Variants in PPP1R1C observed in about 807,000 individuals in gnomAD.
PPP1R1C encodes the protein protein phosphatase 1 regulatory inhibitor subunit 1C, also known as protein phosphatase 1 regulatory subunit 1C.
A neutral mutation model predicts 17.4 loss-of-function variants in PPP1R1C; 15 were observed. The observed-to-expected ratio is 0.86, with a 90% CI of 0.58 to 1.33. The LOEUF (loss-of-function observed/expected upper bound fraction) is 1.33, where lower values mean the gene tolerates loss of function less well. PPP1R1C is among the 40% of genes most tolerant of loss of function. The pLI is 0.00. For missense variants in PPP1R1C, 143 were observed against 130.0 expected (o/e 1.10, Z -0.48); for synonymous variants, 35 against 43.1 (o/e 0.81, Z 0.73).
intron 2 of PPP1R1C, among the ~76,000 whole-genome samples, chr2:182,043,748 T>C (rs1368966869): frequency 6.6e-6 from 1 of 151,936 alleles, no homozygotes; most frequent in Admixed American, 6.6e-5. Context: ...TCCTTATTTG[T>C]TGCTATTACT....
In PPP1R1C at chr2:181,962,332, G is replaced by C. The variant is rs1226256657; in HGVS notation, n.111+7698G>C. Reference sequence around the variant, plus strand: ...TGCCACCCCGGAAGCTGGTGGAGCGGGACACGGATATCCGGGAACCAGAGC... The same window carrying C: ...TGCCACCCCGGAAGCTGGTGGAGCGCGACACGGATATCCGGGAACCAGAGC... On this transcript the variant is annotated intron_variant and non_coding_transcript_variant, in intron 1 of 5. Coordinates refer to the PPP1R1C transcript ENST00000464264. This position sits in a 1 kb window ranked among gnomAD's most constrained non-coding sequence, Gnocchi z 6.0. 7 of 939,194 alleles carry C rather than the reference G, an allele frequency of 7.5e-6. No individual in the cohort carries two copies. Among genetic ancestry groups the C allele is most frequent in the South Asian group, 4.2e-5 (3 of 71,146 alleles). 58.2% of individuals were successfully genotyped at this position (939,194 alleles called of 1,614,324 possible). A position where few individuals can be genotyped will look rare whatever the true frequency, so the allele number is the denominator to read the frequency against.
intron 1 of PPP1R1C, among the ~76,000 whole-genome samples, chr2:181,956,150 T>C (rs534588316): frequency 1.3e-5 from 2 of 152,276 alleles, no homozygotes; most frequent in African/African-American, 4.8e-5. Flanking sequence ...CATGTGGTGT[T>C]TGGTTTTCTG....
chr2:182,089,187 G>A (rs961348694), intron 4 of PPP1R1C, among the ~76,000 whole-genome samples: 9 of 152,182 alleles, frequency 5.9e-5, no homozygotes, highest in Admixed American at 2.0e-4. Context: ...TTCTGAAATA[G>A]ATCCCAGCTG....
chr2:182,041,459 A>C (rs928772771), intron 2 of PPP1R1C, among the ~76,000 whole-genome samples: 4 of 152,012 alleles, frequency 2.6e-5, no homozygotes, highest in African/African-American at 9.7e-5. Context: ...AAATACAAAA[A>C]TTAGCCAGTT....
chr2:182,001,089 C>T (rs1183885900), intron 2 of PPP1R1C, among the ~76,000 whole-genome samples: 1 of 152,158 alleles, frequency 6.6e-6, no homozygotes, highest in Non-Finnish European at 1.5e-5. Flanking sequence ...TTATTATGAG[C>T]TCCTACATAA....
intron 2 of PPP1R1C, among the ~76,000 whole-genome samples, chr2:182,043,954 A>G: frequency 6.6e-6 from 1 of 152,176 alleles, no homozygotes; most frequent in East Asian, 1.9e-4. Flanking sequence ...CCACAATATG[A>G]ACAATTCCAT....
chr2:181,959,723 A>T (rs1004832611), intron 1 of PPP1R1C, among the ~76,000 whole-genome samples: 3 of 152,198 alleles, frequency 2.0e-5, no homozygotes, highest in African/African-American at 7.2e-5. Context: ...GAAACCTGAT[A>T]GCAGGTGAGA....
intron 2 of PPP1R1C, among the ~76,000 whole-genome samples, chr2:182,009,269 T>C (rs1574373384): frequency 6.6e-6 from 1 of 152,178 alleles, no homozygotes; most frequent in African/African-American, 2.4e-5. Flanking sequence ...GGTTTCCTTT[T>C]CTGCACATCC....
chr2:181,955,751 C>T (rs1052437558), intron 1 of PPP1R1C, among the ~76,000 whole-genome samples: 2 of 152,128 alleles, frequency 1.3e-5, no homozygotes, highest in Non-Finnish European at 1.5e-5. Flanking sequence ...ATAAATAACA[C>T]TTTTCTTGAT....
chr2:182,124,898 C>A (rs1049618880), intron 5 of PPP1R1C, among the ~76,000 whole-genome samples: 3 of 152,090 alleles, frequency 2.0e-5, no homozygotes, highest in Admixed American at 1.3e-4. Flanking sequence ...TTTCTCTTGC[C>A]TGATTGCCCT....
intron 2 of PPP1R1C, among the ~76,000 whole-genome samples, chr2:182,055,415 C>T (rs1025400041): frequency 6.6e-6 from 1 of 152,122 alleles, no homozygotes; most frequent in Non-Finnish European, 1.5e-5. Context: ...TATTTACTCA[C>T]ATTTTTGCTT....
intron 2 of PPP1R1C, among the ~76,000 whole-genome samples, chr2:181,990,368 C>T (rs1381948529): frequency 6.6e-6 from 1 of 152,004 alleles, no homozygotes; most frequent in Non-Finnish European, 1.5e-5. Flanking sequence ...TGGTCTCGAT[C>T]TCCTGACCTC....
At chr2:181,966,442 G>A (rs908457712) in intron 1 of PPP1R1C, among the ~76,000 whole-genome samples, 2 of 152,096 alleles carry the variant, frequency 1.3e-5, no homozygotes, top group Admixed American at 1.3e-4. Context: ...CTGTGGGTAT[G>A]TCATATATGG....
chr2:182,113,221 T>G (rs1424630624), intron 4 of PPP1R1C, among the ~76,000 whole-genome samples: 1 of 152,218 alleles, frequency 6.6e-6, no homozygotes, highest in Non-Finnish European at 1.5e-5. Flanking sequence ...TTTTTTATAT[T>G]GAGTTATAAT....
chr2:182,110,896 G>A lies in PPP1R1C; in HGVS notation c.242-6311G>A, dbSNP rs149663026. On this transcript the variant is annotated intron_variant, in intron 4 of 4. Transcript: ENST00000682840. ...ATTTAACTCTACTTCTAAATTCATG[G>A]GGAATGCATTAGCTTCAGAAGAAAA... 5.1e-3 allele frequency among the ~76,000 whole-genome samples: 783 copies of A among 152,094 alleles called. 4 individuals carry two copies. Among genetic ancestry groups the A allele is most frequent in the Admixed American group, 8.2e-3 (125 of 15,250 alleles).
chr2:182,083,195 T>G (rs571776476), intron 4 of PPP1R1C, among the ~76,000 whole-genome samples: 12 of 152,350 alleles, frequency 7.9e-5, no homozygotes, highest in African/African-American at 2.9e-4. Flanking sequence ...GTTTTTGGTT[T>G]CAGTCTTCAA....
Position 182,059,647 on chromosome 2 carries a change from G to A in PPP1R1C, c.143-1795G>A, listed in dbSNP as rs189323705. Among the ~76,000 whole-genome samples the A allele has an allele frequency of 2.0e-3, 309 of 152,102 alleles. 7 individuals carry two copies. The highest frequency in any genetic ancestry group is 6.3e-4 in the Non-Finnish European group (43 of 67,964). ...TTTTCACTTTTCAATTTCAAGACAA[G>A]AATATAAGACTGAATTTTTTTAATC... On this transcript the variant is annotated intron_variant, in intron 2 of 4. Transcript: ENST00000682840.
At chr2:182,116,420 G>A (rs1219017158) in intron 4 of PPP1R1C, among the ~76,000 whole-genome samples, 1 of 152,136 alleles carries the variant, frequency 6.6e-6, no homozygotes, top group African/African-American at 2.4e-5. Context: ...CATCAGAGAG[G>A]AGGCAAGCTG....
intron 2 of PPP1R1C, among the ~76,000 whole-genome samples, chr2:182,000,026 TTC>T (rs1685715427): frequency 2.6e-5 from 4 of 152,214 alleles, no homozygotes; most frequent in Non-Finnish European, 4.4e-5. Flanking sequence ...ATTTTAGTTC[TTC>T]TTGTCCTGTG....
Sources: gnomAD v4.1 joint callset for allele counts (sites outside exome capture counted in the v4.1 genomes callset) on GRCh38, gnomAD v4.1.1 for gene constraint, Gnocchi (gnomAD v3.1) non-coding constraint, MANE v1.5 for transcripts, NCBI Gene and HGNC (gene_info 2026-07-23, HGNC 2026-07-21) for gene names.